RGS5: variants seen among roughly 807,000 people sequenced by gnomAD.
RGS5 encodes regulator of G-protein signalling 5.
RGS5 carries 20 observed loss-of-function variants against 18.9 expected under a neutral mutation model. The observed-to-expected ratio is 1.06, with a 90% CI of 0.74 to 1.54. RGS5 has a LOEUF of 1.54. Among genes scored for constraint, RGS5 ranks in the 40% most tolerant of loss-of-function variants. RGS5 has a pLI of 0.00. For synonymous variants in RGS5, 57 were observed against 76.2 expected (o/e 0.75, Z 1.31); for missense variants, 201 against 211.8 (o/e 0.95, Z 0.32).
intron 2 of RGS5, chr1:163,304,075 C>T (rs11588116): frequency 0.42 from 63,233 of 151,934 alleles, 13,647 homozygotes; most frequent in South Asian, 0.5. Flanking sequence ...TTTGTACACA[C>T]TGTTTCAAAT....
At chr1:163,203,808 CTT>C (rs1659863839), upstream of RGS5, among the ~76,000 whole-genome samples, 1 of 152,136 alleles carries the variant, frequency 6.6e-6, no homozygotes, top group African/African-American at 2.4e-5. Flanking sequence ...CTCCTTCAAA[CTT>C]TTCCTGCTTC....
intron 2 of RGS5, chr1:163,305,426 T>C (rs1649670258): frequency 6.6e-6 from 1 of 152,440 alleles, no homozygotes; most frequent in African/African-American, 2.4e-5. Context: ...CTTTGCCCTG[T>C]GGCTGTATGA....
intron 1 of RGS5, among the ~76,000 whole-genome samples, chr1:163,172,753 G>C (rs910133004): frequency 6.6e-6 from 1 of 152,054 alleles, no homozygotes; most frequent in African/African-American, 2.4e-5. Flanking sequence ...CATTGTTCAG[G>C]GAATGACTAA....
intron 1 of RGS5, among the ~76,000 whole-genome samples, chr1:163,316,938 T>G (rs1196621168): frequency 1.3e-5 from 2 of 152,150 alleles, no homozygotes; most frequent in Non-Finnish European, 2.9e-5. Context: ...TGGTGTTAGG[T>G]GTTGGAGCAT....
chr1:163,258,106 C>T (rs909038096), intron 2 of RGS5, among the ~76,000 whole-genome samples: 8 of 152,178 alleles, frequency 5.3e-5, no homozygotes, highest in African/African-American at 1.9e-4. Flanking sequence ...TGAATAATGT[C>T]TGTAGCTGGT....
At chr1:163,216,342 C>T (rs766096968) in intron 1 of RGS5, among the ~76,000 whole-genome samples, 1 of 152,034 alleles carries the variant, frequency 6.6e-6, no homozygotes, top group East Asian at 1.9e-4. Flanking sequence ...GCCTAGTGGG[C>T]CTAGTGAAAC....
chr1:163,266,041 A>C (rs976076359), intron 2 of RGS5, among the ~76,000 whole-genome samples: 1 of 152,118 alleles, frequency 6.6e-6, no homozygotes, highest in Non-Finnish European at 1.5e-5. Flanking sequence ...CTCCAGGTGG[A>C]GGCTGCAACA....
intron 1 of RGS5, among the ~76,000 whole-genome samples, chr1:163,177,065 G>GT (rs1168782889): frequency 6.6e-6 from 1 of 152,236 alleles, no homozygotes; most frequent in African/African-American, 2.4e-5. Context: ...ACGCGTGCTA[G>GT]AAGTGAGTGT....
At chr1:163,237,651 C>T (rs919930437) in intron 2 of RGS5, 15 of 152,200 alleles carry the variant, frequency 9.9e-5, no homozygotes, top group African/African-American at 3.4e-4. Context: ...CACCACTGCC[C>T]TCCAGCCTGG....
chr1:163,166,980 C>G (rs1478623908), intron 2 of RGS5, among the ~76,000 whole-genome samples: 1 of 152,170 alleles, frequency 6.6e-6, no homozygotes, highest in Non-Finnish European at 1.5e-5. Flanking sequence ...GTGCCTGCTG[C>G]TCCACACTGA....
intron 1 of RGS5, among the ~76,000 whole-genome samples, chr1:163,176,653 G>T (rs767840799): frequency 2.7e-5 from 4 of 150,306 alleles, no homozygotes; most frequent in Non-Finnish European, 5.9e-5. Flanking sequence ...AAAAGAAAAA[G>T]AAAACCCTGT....
At chr1:163,282,083 A>G (rs1033307474) in intron 2 of RGS5, among the ~76,000 whole-genome samples, 1 of 152,130 alleles carries the variant, frequency 6.6e-6, no homozygotes, top group African/African-American at 2.4e-5. Flanking sequence ...AAATAGACAT[A>G]TAGGACTATA....
chr1:163,307,975 T>C (rs2940681), intron 1 of RGS5, among the ~76,000 whole-genome samples: 36,009 of 152,068 alleles, frequency 0.24, 5,594 homozygotes, highest in East Asian at 0.66. Context: ...CCTGCTAGGA[T>C]AGCAGTTGTT....
chr1:163,250,514 T>C (rs184065133), intron 2 of RGS5, among the ~76,000 whole-genome samples: 1 of 152,290 alleles, frequency 6.6e-6, no homozygotes, highest in African/African-American at 2.4e-5. Context: ...CCACATTCCC[T>C]AAACCTCTGC....
At chr1:163,240,893 G>T (rs750543718) in intron 2 of RGS5, among the ~76,000 whole-genome samples, 3 of 152,110 alleles carry the variant, frequency 2.0e-5, no homozygotes, top group African/African-American at 7.2e-5. Context: ...TATCTAAGGC[G>T]TGTGATGGCA....
chr1:163,163,530 G>A (rs1471571798), intron 2 of RGS5, among the ~76,000 whole-genome samples: 1 of 151,970 alleles, frequency 6.6e-6, no homozygotes, highest in Non-Finnish European at 1.5e-5. Flanking sequence ...TGTCTCTATA[G>A]CATTCTTGTT....
chr1:163,174,100 C>G (rs1345321839), intron 1 of RGS5, among the ~76,000 whole-genome samples: 1 of 151,962 alleles, frequency 6.6e-6, no homozygotes, highest in Admixed American at 6.6e-5. Context: ...AACAAACAAA[C>G]AAACATAGAC....
chr1:163,195,613 GA>G (rs1386839500), intron 1 of RGS5, among the ~76,000 whole-genome samples: 1 of 151,024 alleles, frequency 6.6e-6, no homozygotes. Context: ...TATATATATT[GA>G]AAAAATTATG....
chr1:163,168,638 C>A (rs988648926), intron 1 of RGS5, among the ~76,000 whole-genome samples: 2 of 152,082 alleles, frequency 1.3e-5, no homozygotes, highest in Non-Finnish European at 2.9e-5. Flanking sequence ...TTTATATCTG[C>A]AGACACTATA....
Sources: allele counts gnomAD v4.1 joint callset (sites outside exome capture counted in the v4.1 genomes callset), GRCh38; gene constraint gnomAD v4.1.1; transcripts MANE v1.5; gene names NCBI Gene and HGNC (gene_info 2026-07-23, HGNC 2026-07-21).